The following FSTL5 variants were observed in gnomAD, a reference collection of about 807,000 sequenced individuals.
FSTL5 encodes follistatin like 5, also known as follistatin-related protein 5.
In FSTL5, 62 loss-of-function variants were observed where a neutral mutation model predicts 89.1. The ratio of observed to expected loss-of-function variants is 0.70; its 90% CI spans 0.57 to 0.86. The LOEUF (loss-of-function observed/expected upper bound fraction) is 0.86. Ranked by LOEUF, FSTL5 falls within the 40% of genes least tolerant of loss-of-function variation. The probability of loss-of-function intolerance (pLI) is 0.00; values close to 1 mark genes in which losing one functional copy is unlikely to be tolerated. For synonymous variants in FSTL5, 383 were observed against 346.2 expected, an observed-to-expected ratio of 1.11 and a Z score of -1.18; for missense variants, 1,057 against 1,001.6, an observed-to-expected ratio of 1.06 and a Z score of -0.75.
At chr4:162,124,547 G>C (rs991497297) in intron 1 of FSTL5, among the ~76,000 whole-genome samples, 2 of 152,050 alleles carry the variant, frequency 1.3e-5, no homozygotes, top group Non-Finnish European at 2.9e-5. Context: ...GCTTCTTCTG[G>C]GCAGAGGATG....
intron 2 of FSTL5, among the ~76,000 whole-genome samples, chr4:162,076,833 A>C (rs1304999675): frequency 6.6e-6 from 1 of 151,872 alleles, no homozygotes; most frequent in African/African-American, 2.4e-5. Flanking sequence ...GTATCAAAAA[A>C]ATCGCTTGTA....
At chr4:162,156,015 A>T (rs1000174682) in intron 1 of FSTL5, among the ~76,000 whole-genome samples, 3 of 152,206 alleles carry the variant, frequency 2.0e-5, no homozygotes, top group Admixed American at 6.5e-5. Flanking sequence ...GAAATCTGTA[A>T]CAGCAGGACA....
intron 6 of FSTL5, among the ~76,000 whole-genome samples, chr4:161,728,466 A>C (rs1739497441): frequency 6.6e-6 from 1 of 152,174 alleles, no homozygotes; most frequent in Admixed American, 6.5e-5. Flanking sequence ...TACTTAATAA[A>C]GGAACTAAGG....
intron 6 of FSTL5, among the ~76,000 whole-genome samples, chr4:161,741,872 G>C (rs528885520): frequency 6.6e-6 from 1 of 151,934 alleles, no homozygotes; most frequent in Non-Finnish European, 1.5e-5. Flanking sequence ...TATTTTAGTA[G>C]AGACGGTTTC....
At chr4:161,911,384 A>G (rs1002351106) in intron 4 of FSTL5, among the ~76,000 whole-genome samples, 1 of 152,136 alleles carries the variant, frequency 6.6e-6, no homozygotes, top group Non-Finnish European at 1.5e-5. Context: ...ACTTTATTTC[A>G]TCTTGGTCTA....
chr4:161,859,680 C>T (rs1731838210), intron 4 of FSTL5, among the ~76,000 whole-genome samples: 1 of 152,176 alleles, frequency 6.6e-6, no homozygotes, highest in African/African-American at 2.4e-5. Flanking sequence ...TGTTCCTTAT[C>T]ACCATACATT....
intron 3 of FSTL5, among the ~76,000 whole-genome samples, chr4:161,946,702 G>A (rs1473745990): frequency 6.6e-6 from 1 of 152,128 alleles, no homozygotes; most frequent in Admixed American, 6.6e-5. Flanking sequence ...AAGCTGCTAG[G>A]AACATTCATG....
chr4:161,621,095 A>G (rs77348884), intron 7 of FSTL5, among the ~76,000 whole-genome samples: 6 of 152,284 alleles, frequency 3.9e-5, no homozygotes, highest in East Asian at 1.9e-4. Context: ...GCAAGGTCAC[A>G]TGGGACATTC....
chr4:161,518,069 C>A (rs1730902626), intron 10 of FSTL5, among the ~76,000 whole-genome samples: 1 of 152,132 alleles, frequency 6.6e-6, no homozygotes, highest in Non-Finnish European at 1.5e-5. Context: ...AAGTACATTG[C>A]CGGTCATATG....
chr4:162,097,758 A>G (rs1236758682), intron 2 of FSTL5, among the ~76,000 whole-genome samples: 1 of 151,970 alleles, frequency 6.6e-6, no homozygotes. Flanking sequence ...AATTAAAACT[A>G]CAATGGATAA....
At chr4:161,389,171 A>G (rs1246977694) in intron 15 of FSTL5, among the ~76,000 whole-genome samples, 2 of 152,220 alleles carry the variant, frequency 1.3e-5, no homozygotes, top group East Asian at 3.9e-4. Context: ...TCTGATTAAT[A>G]TTTACGAGGC....
At chr4:161,995,968 A>G (rs1212981678) in intron 3 of FSTL5, among the ~76,000 whole-genome samples, 1 of 152,122 alleles carries the variant, frequency 6.6e-6, no homozygotes, top group Non-Finnish European at 1.5e-5. Context: ...GCCATCACCT[A>G]AAAGGATACA....
chr4:161,640,662 A>C (rs894718964), intron 7 of FSTL5, among the ~76,000 whole-genome samples: 2 of 149,488 alleles, frequency 1.3e-5, no homozygotes, highest in Non-Finnish European at 2.9e-5. Flanking sequence ...CCAAGTCTAC[A>C]TGATTTGTAG....
intron 10 of FSTL5, among the ~76,000 whole-genome samples, chr4:161,527,011 G>A (rs917374324): frequency 6.6e-6 from 1 of 152,032 alleles, no homozygotes; most frequent in African/African-American, 2.4e-5. Context: ...GGATGGCATT[G>A]AATCTATAAA....
intron 2 of FSTL5, among the ~76,000 whole-genome samples, chr4:162,109,135 C>T (rs545069569): frequency 3.3e-5 from 5 of 151,928 alleles, no homozygotes; most frequent in Non-Finnish European, 7.4e-5. Flanking sequence ...TAATGGGAAT[C>T]AGTGGGAAAA....
At chr4:162,160,487 G>A (rs1733652001) in intron 1 of FSTL5, among the ~76,000 whole-genome samples, 1 of 107,412 alleles carries the variant, frequency 9.3e-6, no homozygotes, top group Non-Finnish European at 2.2e-5. Context: ...TCTAACAACA[G>A]GAAATATTTT....
At chr4:161,401,689 T>A (rs1731184911) in intron 15 of FSTL5, among the ~76,000 whole-genome samples, 1 of 152,060 alleles carries the variant, frequency 6.6e-6, no homozygotes, top group Non-Finnish European at 1.5e-5. Flanking sequence ...CATGCCCGGC[T>A]AATTTTTTTT....
intron 1 of FSTL5, among the ~76,000 whole-genome samples, chr4:162,128,484 T>G (rs1245389622): frequency 6.6e-6 from 1 of 152,142 alleles, no homozygotes; most frequent in East Asian, 1.9e-4. Flanking sequence ...TGTGAGTACA[T>G]AGGGAGAAGC....
At chr4:161,550,661 C>A (rs981437975) in intron 8 of FSTL5, among the ~76,000 whole-genome samples, 3 of 151,304 alleles carry the variant, frequency 2.0e-5, no homozygotes, top group South Asian at 2.1e-4. Context: ...TTTACATGTG[C>A]CATGCTGGTG....
Sources: gnomAD v4.1 joint callset for allele counts (sites outside exome capture counted in the v4.1 genomes callset) on GRCh38, gnomAD v4.1.1 for gene constraint, MANE v1.5 for transcripts, NCBI Gene and HGNC (gene_info 2026-07-23, HGNC 2026-07-21) for gene names.